Variants in ZNF469 observed in about 807,000 individuals in gnomAD.
ZNF469 encodes zinc finger protein 469.
Under a neutral mutation model 1.0 loss-of-function variants are expected in ZNF469, and 1 was observed. The observed-to-expected ratio is 1.00, with a 90% CI of 0.35 to 4.73. The LOEUF is 4.73. Ranked by LOEUF, ZNF469 falls within the 30% of genes most tolerant of loss-of-function variation. The pLI, the probability that ZNF469 is intolerant of heterozygous loss-of-function variation, is 0.16. For synonymous variants in ZNF469, 2,703 were observed against 2,363.4 expected (o/e 1.14, Z -4.17); for missense variants, 6,100 against 5,356.3 (o/e 1.14, Z -4.33).
At chr16:88,113,692 G>A in the ZNF469 span, among the ~76,000 whole-genome samples, 3 of 152,228 alleles carry the variant, frequency 2.0e-5, no homozygotes, top group Non-Finnish European at 4.4e-5. Flanking sequence ...TGTCTTAAAC[G>A]GGTAACAAGT....
the ZNF469 span, among the ~76,000 whole-genome samples, chr16:88,276,080 G>A: frequency 6.6e-6 from 1 of 152,166 alleles, no homozygotes; most frequent in Non-Finnish European, 1.5e-5. Flanking sequence ...GCCAGCAAGT[G>A]GACACCCCCT....
chr16:88,251,299 G>A, the ZNF469 span, among the ~76,000 whole-genome samples: 1 of 152,202 alleles, frequency 6.6e-6, no homozygotes, highest in African/African-American at 2.4e-5. Flanking sequence ...TCTTGAGCAC[G>A]AGTCACACTT....
the ZNF469 span, among the ~76,000 whole-genome samples, chr16:88,165,520 T>C: frequency 1.3e-5 from 2 of 152,174 alleles, no homozygotes; most frequent in African/African-American, 4.8e-5. Flanking sequence ...GGCTCCTGGA[T>C]TCTCGGATGT....
the ZNF469 span, among the ~76,000 whole-genome samples, chr16:88,231,472 G>A: frequency 1.3e-5 from 2 of 152,238 alleles, no homozygotes; most frequent in African/African-American, 4.8e-5. This position sits in a 1 kb window ranked among gnomAD's most constrained non-coding sequence, Gnocchi z 4.5. Context: ...TCACAGCTCT[G>A]TCAGCTCTGG....
chr16:88,428,884 C>G lies in ZNF469; in HGVS notation c.1414C>G (p.Gln472Glu). 6.5e-7 allele frequency: 1 copy of G among 1,548,204 alleles called. No homozygotes were observed. The highest frequency in any genetic ancestry group is 8.7e-7 in the Non-Finnish European group (1 of 1,146,366). ...CTTTAACGGCCAGCCCAGCCCAGGC[C>G]AGCGGCTCTGCCTCCCCCAGAGTGC... ...MFFNGQPSPG[Q>E]RLCLPQSAPL... Residue 472 changes from glutamine to glutamate, a missense_variant, in exon 3 of 3, where the codon CAG (glutamine) becomes GAG (glutamate). Coordinates refer to ENST00000565624, the MANE Select transcript of ZNF469 (RefSeq NM_001367624.2).
At chr16:88,387,298 C>T (rs959881423) in intron 1 of ZNF469, among the ~76,000 whole-genome samples, 1 of 152,222 alleles carries the variant, frequency 6.6e-6, no homozygotes, top group Non-Finnish European at 1.5e-5. Context: ...CCCCTCATTC[C>T]TGTGAGTCCA....
the ZNF469 span, among the ~76,000 whole-genome samples, chr16:88,347,276 C>A: frequency 6.6e-6 from 1 of 152,168 alleles, no homozygotes. Context: ...CGTCAGGGCC[C>A]CACCCCCACA....
the ZNF469 span, among the ~76,000 whole-genome samples, chr16:88,324,655 C>CT: frequency 6.6e-6 from 1 of 152,224 alleles, no homozygotes; most frequent in African/African-American, 2.4e-5. Flanking sequence ...GCATAAGGGA[C>CT]TGTAGCTGTT....
chr16:88,237,853 G>A, the ZNF469 span, among the ~76,000 whole-genome samples: 1 of 151,928 alleles, frequency 6.6e-6, no homozygotes, highest in Non-Finnish European at 1.5e-5. Flanking sequence ...CCCAGCCCCG[G>A]CAGCTGCTGA....
the ZNF469 span, among the ~76,000 whole-genome samples, chr16:88,229,722 G>A: frequency 0.27 from 40,821 of 151,836 alleles, 5,600 homozygotes; most frequent in East Asian, 0.33. Flanking sequence ...CTGATGTCAC[G>A]CGTGTGGATG....
chr16:88,149,302 G>A, the ZNF469 span, among the ~76,000 whole-genome samples: 4 of 152,216 alleles, frequency 2.6e-5, no homozygotes. Context: ...CTCGGCCAGA[G>A]ATAATTCCCC....
chr16:88,130,160 C>T, the ZNF469 span, among the ~76,000 whole-genome samples: 4 of 152,292 alleles, frequency 2.6e-5, no homozygotes, highest in African/African-American at 9.6e-5. Context: ...GCCAAGCTTC[C>T]CAGATGGCAG....
the ZNF469 span, among the ~76,000 whole-genome samples, chr16:88,321,010 C>T: frequency 5.9e-5 from 9 of 152,246 alleles, no homozygotes; most frequent in African/African-American, 1.7e-4. Flanking sequence ...GGCTGCCATC[C>T]GAGGCTGCCT....
At chr16:88,233,285 A>G in the ZNF469 span, among the ~76,000 whole-genome samples, 29 of 152,016 alleles carry the variant, frequency 1.9e-4, no homozygotes, top group South Asian at 4.2e-4. Context: ...TTCTGTTTTC[A>G]TTGTGGGGCT....
the ZNF469 span, among the ~76,000 whole-genome samples, chr16:88,141,378 G>T: frequency 6.6e-6 from 1 of 151,594 alleles, no homozygotes; most frequent in Non-Finnish European, 1.5e-5. Flanking sequence ...AGGTACCCCC[G>T]TCCTGGTCCC....
At chr16:88,196,619 T>C in the ZNF469 span, among the ~76,000 whole-genome samples, 76,995 of 151,962 alleles carry the variant, frequency 0.51, 19,704 homozygotes, top group South Asian at 0.59. Flanking sequence ...AAAGAAGCAA[T>C]AAGGGAACAG....
intron 1 of ZNF469, among the ~76,000 whole-genome samples, chr16:88,385,411 G>A (rs1450923178): frequency 1.3e-5 from 2 of 152,004 alleles, no homozygotes; most frequent in South Asian, 2.1e-4. Context: ...TGAGACAGGT[G>A]GATCACTTGA....
intron 1 of ZNF469, among the ~76,000 whole-genome samples, chr16:88,400,252 C>A (rs1904816701): frequency 6.6e-6 from 1 of 152,200 alleles, no homozygotes; most frequent in African/African-American, 2.4e-5. Context: ...CACACGGGAC[C>A]CTTTCTGCCC....
the ZNF469 span, among the ~76,000 whole-genome samples, chr16:88,325,761 C>T: frequency 6.6e-6 from 1 of 152,230 alleles, no homozygotes; most frequent in Non-Finnish European, 1.5e-5. Flanking sequence ...TCAAATGCTC[C>T]GTGTGACGGC....
Sources: gnomAD v4.1 joint callset for allele counts (sites outside exome capture counted in the v4.1 genomes callset) on GRCh38, gnomAD v4.1.1 for gene constraint, Gnocchi (gnomAD v3.1) non-coding constraint, MANE v1.5 for transcripts, NCBI Gene and HGNC (gene_info 2026-07-23, HGNC 2026-07-21) for gene names.